Variants in NXPH1 observed in about 807,000 individuals in gnomAD.
NXPH1 encodes the protein neurexophilin 1.
A neutral mutation model predicts 23.7 loss-of-function variants in NXPH1; 5 were observed. That is an observed-to-expected ratio of 0.21 (90% CI 0.11 to 0.44). The LOEUF (loss-of-function observed/expected upper bound fraction) is 0.44. Ranked by LOEUF, NXPH1 falls within the 20% of genes least tolerant of loss-of-function variation. NXPH1 has a pLI of 0.99. For synonymous variants in NXPH1, 144 were observed against 122.2 expected (o/e 1.18, Z -1.18); for missense variants, 324 against 321.6 (o/e 1.01, Z -0.06).
intron 2 of NXPH1, among the ~76,000 whole-genome samples, chr7:8,623,296 G>A (rs1382385981): frequency 6.6e-6 from 1 of 152,042 alleles, no homozygotes; most frequent in African/African-American, 2.4e-5. Flanking sequence ...AAAATACTGG[G>A]GAAATTGGAT....
chr7:8,509,009 C>G (rs1584200918), intron 2 of NXPH1, among the ~76,000 whole-genome samples: 1 of 152,076 alleles, frequency 6.6e-6, no homozygotes, highest in African/African-American at 2.4e-5. Context: ...AACTCCATAT[C>G]TGTGGATATT....
Position 8,713,932 on chromosome 7 carries a change from T to A in NXPH1, c.55-37076T>A, listed in dbSNP as rs543679466. Among the ~76,000 whole-genome samples the A allele has an allele frequency of 2.0e-5, 3 of 152,300 alleles. No individual in the cohort carries two copies. In the East Asian group the frequency reaches 5.8e-4, roughly 29 times the overall value. ...GTCAAACCTGAAGCCAGCACAGCACTGAGTCTTGCTCAAGGCCCCGGCAAC... is the reference window on the plus strand; with the variant it reads ...GTCAAACCTGAAGCCAGCACAGCACAGAGTCTTGCTCAAGGCCCCGGCAAC... On this transcript the variant is annotated intron_variant, in intron 2 of 2. Transcript: ENST00000405863.
At chr7:8,618,976 A>G (rs1444326885) in intron 2 of NXPH1, among the ~76,000 whole-genome samples, 3 of 152,188 alleles carry the variant, frequency 2.0e-5, no homozygotes, top group Non-Finnish European at 2.9e-5. Flanking sequence ...TAAAATTGAA[A>G]TCTTTTCAGT....
intron 2 of NXPH1, among the ~76,000 whole-genome samples, chr7:8,587,782 G>A (rs1420917088): frequency 1.3e-5 from 2 of 151,980 alleles, no homozygotes; most frequent in Admixed American, 6.6e-5. Flanking sequence ...GATAGTTTCC[G>A]GCTTCATCCA....
intron 2 of NXPH1, among the ~76,000 whole-genome samples, chr7:8,589,637 A>G (rs1475588330): frequency 1.3e-5 from 2 of 152,114 alleles, no homozygotes; most frequent in South Asian, 2.1e-4. Context: ...AGTGAGTCAG[A>G]AAAAGAACGA....
Position 8,750,996 on chromosome 7 carries a change from TTC to T in NXPH1, c.55-10_55-9del. ...CAGAGATGTAAATGCCATTTTTCTC[TTC>T]TGTTTTCAGGTCACATGTGCCAATT... On this transcript the variant is annotated splice_polypyrimidine_tract_variant and intron_variant, in intron 2 of 2. Transcript: ENST00000405863. 6.2e-7 allele frequency: 1 copy of T among 1,611,812 alleles called. No individual in the cohort carries two copies. Among genetic ancestry groups the T allele is most frequent in the East Asian group, 2.2e-5 (1 of 44,846 alleles).
intron 2 of NXPH1, among the ~76,000 whole-genome samples, chr7:8,546,284 A>G (rs1040842148): frequency 6.6e-6 from 1 of 151,414 alleles, no homozygotes; most frequent in African/African-American, 2.4e-5. Context: ...AGGGAAACTG[A>G]GTTCGGGAGA....
intron 2 of NXPH1, among the ~76,000 whole-genome samples, chr7:8,669,291 T>C (rs1450368703): frequency 1.3e-5 from 2 of 152,114 alleles, no homozygotes; most frequent in African/African-American, 2.4e-5. Flanking sequence ...CCTGGGGCTG[T>C]GTGGGTCCAC....
intron 2 of NXPH1, among the ~76,000 whole-genome samples, chr7:8,480,198 T>C (rs950516423): frequency 1.3e-5 from 2 of 152,148 alleles, no homozygotes; most frequent in African/African-American, 4.8e-5. Context: ...TTATAATAAC[T>C]CATTAAACTA....
At chr7:8,609,345 T>G (rs1819569068) in intron 2 of NXPH1, among the ~76,000 whole-genome samples, 1 of 152,168 alleles carries the variant, frequency 6.6e-6, no homozygotes, top group Non-Finnish European at 1.5e-5. Context: ...GTTTACATTT[T>G]GTAGACGAAG....
intron 2 of NXPH1, among the ~76,000 whole-genome samples, chr7:8,555,112 G>A (rs888114701): frequency 6.6e-6 from 1 of 151,636 alleles, no homozygotes; most frequent in Non-Finnish European, 1.5e-5. Context: ...AGGACTGAAT[G>A]CAACCCAGAT....
chr7:8,694,745 T>C (rs1219508078), intron 2 of NXPH1, among the ~76,000 whole-genome samples: 1 of 152,212 alleles, frequency 6.6e-6, no homozygotes, highest in East Asian at 1.9e-4. Flanking sequence ...CCTATCACAA[T>C]ATAACTAGAA....
At chr7:8,621,849 G>A (rs6969103) in intron 2 of NXPH1, among the ~76,000 whole-genome samples, 6,487 of 152,108 alleles carry the variant, frequency 0.043, 298 homozygotes, top group African/African-American at 0.12. Context: ...CTTTCAGGTA[G>A]GTATTATTGT....
At chr7:8,459,000 A>G (rs980387287) in intron 2 of NXPH1, among the ~76,000 whole-genome samples, 3 of 152,150 alleles carry the variant, frequency 2.0e-5, no homozygotes, top group African/African-American at 7.2e-5. Context: ...TCTTGGGAGC[A>G]TTCTTACTCA....
chr7:8,533,953 AG>A (rs141337471), intron 2 of NXPH1, among the ~76,000 whole-genome samples: 34,856 of 152,050 alleles, frequency 0.23, 4,126 homozygotes, highest in East Asian at 0.3. Flanking sequence ...GGGTGATCAG[AG>A]GACTAAGCCC....
chr7:8,546,009 T>C (rs1433427290), intron 2 of NXPH1, among the ~76,000 whole-genome samples: 1 of 151,506 alleles, frequency 6.6e-6, no homozygotes, highest in Non-Finnish European at 1.5e-5. Flanking sequence ...ACCGTAAAGA[T>C]TGTAGCAAAA....
chr7:8,680,166 AAATTC>A (rs1821028794), intron 2 of NXPH1, among the ~76,000 whole-genome samples: 1 of 152,272 alleles, frequency 6.6e-6, no homozygotes. Context: ...TGTATAAAAG[AAATTC>A]AATTCATTTC....
At chr7:8,675,673 G>A (rs1379129205) in intron 2 of NXPH1, among the ~76,000 whole-genome samples, 2 of 152,122 alleles carry the variant, frequency 1.3e-5, no homozygotes, top group African/African-American at 2.4e-5. Context: ...CAGATAGAGT[G>A]ATGATGGTTA....
At chr7:8,741,054 C>A (rs1298371890) in intron 2 of NXPH1, among the ~76,000 whole-genome samples, 3 of 152,142 alleles carry the variant, frequency 2.0e-5, no homozygotes, top group Non-Finnish European at 2.9e-5. Flanking sequence ...TTTCAATTTC[C>A]TCCATTCCCC....
Sources: gnomAD v4.1 joint callset for allele counts (sites outside exome capture counted in the v4.1 genomes callset) on GRCh38, gnomAD v4.1.1 for gene constraint, MANE v1.5 for transcripts, NCBI Gene and HGNC (gene_info 2026-07-23, HGNC 2026-07-21) for gene names.